Variants in RNF125 observed in about 807,000 individuals in gnomAD.
RNF125 encodes E3 ubiquitin-protein ligase RNF125.
A neutral mutation model predicts 26.0 loss-of-function variants in RNF125; 21 were observed. The ratio of observed to expected loss-of-function variants is 0.81; its 90% CI spans 0.57 to 1.16. RNF125 has a LOEUF of 1.16. Among genes scored for constraint, RNF125 ranks in the 50% most tolerant of loss-of-function variants. The pLI is 0.00. For synonymous variants in RNF125, 95 were observed against 109.2 expected (o/e 0.87, Z 0.81); for missense variants, 270 against 299.4 (o/e 0.90, Z 0.72).
In RNF125 at chr18:32,018,902, G is replaced by A; in HGVS notation, c.39G>A (p.Ala13=). The A allele has an allele frequency of 6.3e-7, 1 of 1,599,948 alleles. No homozygotes were observed. The highest frequency in any genetic ancestry group is 1.1e-5 in the South Asian group (1 of 89,326). ...SVLSTDSGKS[A]PASATARALE... is the part of the protein sequence containing the mutation. ...TGAGCACCGACAGCGGCAAATCGGC[G>A]CCCGCCTCTGCCACCGCGCGGGCCC... The change falls in exon 1 of 6, where the codon GCG becomes GCA. Residue 13 remains alanine (A), a synonymous_variant. Coordinates refer to ENST00000217740, the MANE Select transcript of RNF125 (RefSeq NM_017831.4).
At chr18:32,050,465 G>A (rs1435539841) in intron 4 of RNF125, among the ~76,000 whole-genome samples, 2 of 152,110 alleles carry the variant, frequency 1.3e-5, no homozygotes, top group Non-Finnish European at 2.9e-5. Flanking sequence ...CTACAGGTGT[G>A]CACCTTCACA....
chr18:32,045,586 A>G, intron 3 of RNF125, 56 bp from the exon 4 acceptor site: 1 of 1,145,960 alleles, frequency 8.7e-7, no homozygotes, highest in Middle Eastern at 2.0e-4. Context: ...AAAAAAAGTG[A>G]CTACTATCTA....
At chr18:32,020,240 G>A (rs946251887) in intron 1 of RNF125, among the ~76,000 whole-genome samples, 1 of 151,964 alleles carries the variant, frequency 6.6e-6, no homozygotes, top group Non-Finnish European at 1.5e-5. Context: ...TAGAGATGGG[G>A]TTTCACCATG....
chr18:32,020,979 C>T (rs1452722406), intron 1 of RNF125, among the ~76,000 whole-genome samples: 1 of 152,184 alleles, frequency 6.6e-6, no homozygotes, highest in Non-Finnish European at 1.5e-5. Context: ...AGCCTTGTAT[C>T]TGAAAAGCAG....
At chr18:32,039,124 A>G (rs541055823) in intron 2 of RNF125, among the ~76,000 whole-genome samples, 1 of 149,816 alleles carries the variant, frequency 6.7e-6, no homozygotes, top group Admixed American at 6.7e-5. Context: ...TTTGGAGGCC[A>G]GGCGCAGTGG....
chr18:32,023,003 G>T (rs144319465), intron 1 of RNF125, among the ~76,000 whole-genome samples: 1 of 151,574 alleles, frequency 6.6e-6, no homozygotes, highest in Admixed American at 6.6e-5. Flanking sequence ...TATTTTTAGC[G>T]GTGAGATCTC....
chr18:32,031,366 C>T lies in RNF125; in HGVS notation c.165-5750C>T, dbSNP rs550513276. ...ATAAAATGAGGAGAAAGCACAGTAG[C>T]GTTTTATGAATTATTGTAGGAGCCT... On this transcript the variant is annotated intron_variant, in intron 1 of 5. Coordinates refer to ENST00000217740, the MANE Select transcript of RNF125 (RefSeq NM_017831.4). 8.0e-5 allele frequency: 12 copies of T among 150,642 alleles called. No homozygotes were observed. In the East Asian group the frequency reaches 2.0e-3, roughly 25 times the overall value. The allele number at this position is 150,642 out of a possible 1,614,324, so 9.3% of individuals were successfully genotyped here.
rs2039546994 is a variant in RNF125 at position 32,073,073 on chromosome 18, A to G, written c.*4689A>G. The G allele has an allele frequency of 6.6e-6, 1 of 152,204 alleles. No individual in the cohort carries two copies. The highest frequency in any genetic ancestry group is 2.1e-4 in the South Asian group (1 of 4,834). 9.4% of individuals were successfully genotyped at this position (152,204 alleles called of 1,614,324 possible). A position where few individuals can be genotyped will look rare whatever the true frequency, so the allele number is the denominator to read the frequency against. On this transcript the variant is annotated 3_prime_UTR_variant, in exon 6 of 6. Coordinates refer to ENST00000217740, the MANE Select transcript of RNF125 (RefSeq NM_017831.4). ...TCACTAAGAGATTCATTCTTTTATT[A>G]TTCAACTACAAAAAAATAGTGTAAT...
rs77616232 is a variant in RNF125 at position 32,055,497 on chromosome 18, T to C, written c.504+9765T>C. Among the ~76,000 whole-genome samples the C allele has an allele frequency of 4.2e-3, 645 of 152,032 alleles. 7 individuals carry two copies. Among genetic ancestry groups the C allele is most frequent in the African/African-American group, 0.015 (624 of 41,484 alleles). On this transcript the variant is annotated intron_variant, in intron 4 of 5. Transcript: ENST00000217740. The stretch of plus-strand genomic sequence containing the variant: ...CTCAGGAATTATGGCAGAAGGCAAA[T>C]GGGAAGCAAGGCAACTTTTTCACAC...
chr18:32,054,390 C>T (rs2039360354), intron 4 of RNF125, among the ~76,000 whole-genome samples: 1 of 152,026 alleles, frequency 6.6e-6, no homozygotes, highest in East Asian at 1.9e-4. Flanking sequence ...ACCGCATCTG[C>T]CCTGTACATT....
chr18:32,089,680 G>C, the RNF125 span, among the ~76,000 whole-genome samples: 4 of 152,086 alleles, frequency 2.6e-5, no homozygotes, highest in Admixed American at 2.6e-4. Flanking sequence ...TTATGTCCAA[G>C]TTTTTGCTGG....
the RNF125 span, among the ~76,000 whole-genome samples, chr18:32,089,076 T>C: frequency 6.6e-6 from 1 of 152,032 alleles, no homozygotes; most frequent in Non-Finnish European, 1.5e-5. Flanking sequence ...GGTTAAGGAA[T>C]TGGAAGGTGA....
At chr18:32,024,764 C>T (rs1191668740) in intron 1 of RNF125, among the ~76,000 whole-genome samples, 1 of 152,160 alleles carries the variant, frequency 6.6e-6, no homozygotes, top group African/African-American at 2.4e-5. Flanking sequence ...TGAGCCACCA[C>T]ACCCAGCCAA....
At chr18:32,077,881 C>T (rs2039580806), downstream of RNF125, among the ~76,000 whole-genome samples, 1 of 151,734 alleles carries the variant, frequency 6.6e-6, no homozygotes, top group Non-Finnish European at 1.5e-5. Flanking sequence ...CTTGACCTCC[C>T]AGGTCCAAGT....
intron 4 of RNF125, among the ~76,000 whole-genome samples, chr18:32,063,194 T>C (rs1250486975): frequency 7.7e-6 from 1 of 130,704 alleles, no homozygotes; most frequent in Non-Finnish European, 1.5e-5. Context: ...CACTCCAGCC[T>C]GGGCAACAAG....
At chr18:32,059,372 A>G (rs756811694) in intron 4 of RNF125, among the ~76,000 whole-genome samples, 47 of 152,322 alleles carry the variant, frequency 3.1e-4, no homozygotes, top group African/African-American at 9.9e-4. Context: ...CTGATGATCA[A>G]TGATGCTGAG....
At chr18:32,039,611 C>T (rs925460600) in intron 2 of RNF125, among the ~76,000 whole-genome samples, 2 of 152,070 alleles carry the variant, frequency 1.3e-5, no homozygotes, top group Admixed American at 6.5e-5. Context: ...AAAATTCATA[C>T]ACAAAATCAA....
chr18:32,086,361 T>G, the RNF125 span, among the ~76,000 whole-genome samples: 11 of 151,276 alleles, frequency 7.3e-5, no homozygotes, highest in Admixed American at 4.0e-4. Context: ...TTGTGTTTTT[T>G]TTTTTTTTTT....
chr18:32,037,138 A>G lies in RNF125; in HGVS notation c.187A>G (p.Thr63Ala), dbSNP rs1288778324. 9 of 1,604,870 alleles carry G rather than the reference A, an allele frequency of 5.6e-6. No homozygotes were observed. The highest frequency in any genetic ancestry group is 6.8e-6 in the Non-Finnish European group (8 of 1,176,960). ...TAGATTCTGCCGTTCCTGTATTGCT[A>G]CCAGTCTAAAGAACAACAAGTGGAC... ...GHVFCRSCIA[T>A]SLKNNKWTCP... The change falls in exon 2 of 6, where the codon ACC becomes GCC. Residue 63 changes from threonine to alanine, a missense_variant. Transcript: ENST00000217740.
Sources: allele counts gnomAD v4.1 joint callset (sites outside exome capture counted in the v4.1 genomes callset), GRCh38; gene constraint gnomAD v4.1.1; transcripts MANE v1.5; gene names NCBI Gene and HGNC (gene_info 2026-07-23, HGNC 2026-07-21).